RELL1: variants seen among roughly 807,000 people sequenced by gnomAD.
RELL1 encodes the protein RELT-like protein 1.
Under a neutral mutation model 23.0 loss-of-function variants are expected in RELL1, and 10 were observed. That is an observed-to-expected ratio of 0.43 (90% CI 0.27 to 0.74). RELL1 has a LOEUF of 0.74. Ranked by LOEUF, RELL1 falls within the 30% of genes least tolerant of loss-of-function variation. The pLI is 0.19. For synonymous variants in RELL1, 146 were observed against 146.8 expected, an observed-to-expected ratio of 0.99 and a Z score of 0.04; for missense variants, 315 against 364.4, an observed-to-expected ratio of 0.86 and a Z score of 1.10.
intron 1 of RELL1, among the ~76,000 whole-genome samples, chr4:37,664,433 G>A (rs139940301): frequency 6.6e-6 from 1 of 151,458 alleles, no homozygotes; most frequent in South Asian, 2.1e-4. Flanking sequence ...CTATCATAAA[G>A]GTAAAAGTAA....
At chr4:37,656,823 T>A (rs1301491357) in intron 1 of RELL1, among the ~76,000 whole-genome samples, 1 of 152,268 alleles carries the variant, frequency 6.6e-6, no homozygotes, top group Admixed American at 6.5e-5. Flanking sequence ...GTCACTGATG[T>A]CATGAAGCAG....
intron 1 of RELL1, among the ~76,000 whole-genome samples, chr4:37,673,186 CT>C (rs71189095): frequency 0.034 from 3,142 of 92,862 alleles, 25 homozygotes; most frequent in Middle Eastern, 0.14. Flanking sequence ...CTTTTTTTTT[CT>C]TTTTTTTTTT....
intron 6 of RELL1, among the ~76,000 whole-genome samples, chr4:37,630,967 A>G (rs1577575779): frequency 6.6e-6 from 1 of 152,010 alleles, no homozygotes; most frequent in Non-Finnish European, 1.5e-5. Context: ...AGCTGCCAAT[A>G]TCGAAAATCA....
intron 1 of RELL1, among the ~76,000 whole-genome samples, chr4:37,656,652 G>A (rs1321352695): frequency 6.6e-6 from 1 of 152,232 alleles, no homozygotes; most frequent in Non-Finnish European, 1.5e-5. Context: ...TTGGGTCTTG[G>A]GGACTCCACG....
chr4:37,621,115 A>AACTT (rs1719746028), intron 6 of RELL1, among the ~76,000 whole-genome samples: 1 of 152,196 alleles, frequency 6.6e-6, no homozygotes, highest in African/African-American at 2.4e-5. Flanking sequence ...GTACTGTTTT[A>AACTT]ACTTAAGCTA....
At position 37,638,385 on chromosome 4, in the gene RELL1, C is replaced by T. The variant is rs573402009; in HGVS notation, c.443+62G>A. ...TCTAGCAGAAGAGCATTTCAGATGG[C>T]GCCATATCTGAGCAAGTAACTGAAA... is the stretch of plus-strand genomic sequence containing the variant. On this transcript the variant is annotated intron_variant, in intron 4 of 6. Coordinates refer to ENST00000454158, the MANE Select transcript of RELL1 (RefSeq NM_001085400.2). The T allele has an allele frequency of 2.7e-5, 35 of 1,283,062 alleles. 1 individual carries two copies. The highest frequency in any genetic ancestry group is 1.9e-4 in the Middle Eastern group (1 of 5,360). 79.5% of individuals were successfully genotyped at this position (1,283,062 alleles called of 1,614,324 possible).
chr4:37,665,110 T>C (rs937752241), intron 1 of RELL1: 14 of 384,054 alleles, frequency 3.6e-5, no homozygotes, highest in African/African-American at 2.9e-4. Context: ...GAAGGGCTCC[T>C]GGGTAATCAA....
chr4:37,601,477 A>C (rs1219382220), intron 6 of RELL1, among the ~76,000 whole-genome samples: 2 of 152,194 alleles, frequency 1.3e-5, no homozygotes, highest in Admixed American at 6.5e-5. Context: ...ACGGGGTCCA[A>C]AGAGTTTAAG....
At chr4:37,614,603 C>T (rs550484472) in intron 6 of RELL1, among the ~76,000 whole-genome samples, 14 of 149,838 alleles carry the variant, frequency 9.3e-5, no homozygotes, top group African/African-American at 3.4e-4. Flanking sequence ...GGTGTCAATT[C>T]ATATAAACAT....
At chr4:37,669,138 A>G (rs1721674846) in intron 1 of RELL1, among the ~76,000 whole-genome samples, 1 of 115,356 alleles carries the variant, frequency 8.7e-6, no homozygotes. Flanking sequence ...CTGGGAAGTG[A>G]GGAGCCCCTC....
At chr4:37,660,817 G>A (rs1237127948) in intron 1 of RELL1, among the ~76,000 whole-genome samples, 9 of 152,096 alleles carry the variant, frequency 5.9e-5, no homozygotes, top group Non-Finnish European at 8.8e-5. Flanking sequence ...AGATCACAAG[G>A]TCAGGAGATC....
chr4:37,680,843 A>G (rs187602340), intron 1 of RELL1, among the ~76,000 whole-genome samples: 2,165 of 151,518 alleles, frequency 0.014, 115 homozygotes, highest in South Asian at 0.14. Flanking sequence ...GAGGCGGGAG[A>G]ATGGCATGAA....
At chr4:37,631,589 CA>C in intron 5 of RELL1, 66 bp from the exon 6 acceptor site, 5 of 1,545,650 alleles carry the variant, frequency 3.2e-6, no homozygotes, top group Non-Finnish European at 4.4e-6. Flanking sequence ...ATGAATAAAG[CA>C]AAAATCATCC....
At chr4:37,673,623 T>C (rs1276354948) in intron 1 of RELL1, among the ~76,000 whole-genome samples, 26 of 152,202 alleles carry the variant, frequency 1.7e-4, no homozygotes, top group Admixed American at 1.7e-3. Flanking sequence ...CTATTTGTGT[T>C]ACTTACAAAG....
At chr4:37,639,700 G>A (rs1416808153) in intron 3 of RELL1, among the ~76,000 whole-genome samples, 1 of 152,176 alleles carries the variant, frequency 6.6e-6, no homozygotes, top group Non-Finnish European at 1.5e-5. Flanking sequence ...GTTATTACTG[G>A]CTTGTAACCT....
rs148864755 is a variant in RELL1, at chr4:37,594,102, A to G, written c.*4-2885T>C. ...ATAACTGCTTTGAAAAGGTCGACAGATGGCCAATACTTTCAAGAGTTCTTT... is the reference window on the plus strand; with the variant it reads ...ATAACTGCTTTGAAAAGGTCGACAGGTGGCCAATACTTTCAAGAGTTCTTT... On this transcript the variant is annotated intron_variant, in intron 6 of 6. Transcript: ENST00000314117. 1.8e-3 allele frequency among the ~76,000 whole-genome samples: 271 copies of G among 152,366 alleles called. 4 individuals carry two copies. Among genetic ancestry groups the G allele is most frequent in the African/African-American group, 5.8e-3 (241 of 41,582 alleles).
At chr4:37,637,564 T>C (rs945313950) in intron 4 of RELL1, among the ~76,000 whole-genome samples, 1 of 152,182 alleles carries the variant, frequency 6.6e-6, no homozygotes, top group African/African-American at 2.4e-5. Context: ...TGAATGCCCA[T>C]TGGCCCCCCG....
intron 1 of RELL1, among the ~76,000 whole-genome samples, chr4:37,655,733 G>C (rs962312111): frequency 2.6e-5 from 4 of 152,226 alleles, no homozygotes; most frequent in Non-Finnish European, 5.9e-5. Flanking sequence ...ATAGAGGTAA[G>C]CAGGTGACAT....
intron 6 of RELL1, among the ~76,000 whole-genome samples, chr4:37,602,621 C>T (rs189158958): frequency 6.6e-6 from 1 of 152,186 alleles, no homozygotes; most frequent in African/African-American, 2.4e-5. Flanking sequence ...CCAAACATGC[C>T]GCTTACAGCA....
Sources: allele counts gnomAD v4.1 joint callset (sites outside exome capture counted in the v4.1 genomes callset), GRCh38; gene constraint gnomAD v4.1.1; transcripts MANE v1.5; gene names NCBI Gene and HGNC (gene_info 2026-07-23, HGNC 2026-07-21).